CCDC171: variants seen among roughly 807,000 people sequenced by gnomAD.
CCDC171 encodes the protein coiled-coil domain containing 171, also known as coiled-coil domain-containing protein 171.
CCDC171 carries 177 observed loss-of-function variants against 168.2 expected under a neutral mutation model. The ratio of observed to expected loss-of-function variants is 1.05; its 90% CI spans 0.93 to 1.19. The LOEUF (loss-of-function observed/expected upper bound fraction) is 1.19. CCDC171 is among the 50% of genes most tolerant of loss of function. The pLI is 0.00. For missense variants in CCDC171, 1,991 were observed against 1,539.0 expected, an observed-to-expected ratio of 1.29 and a Z score of -4.91; for synonymous variants, 687 against 540.8, an observed-to-expected ratio of 1.27 and a Z score of -3.75.
intron 24 of CCDC171, among the ~76,000 whole-genome samples, chr9:15,904,362 G>A (rs1822190948): frequency 6.6e-6 from 1 of 152,110 alleles, no homozygotes; most frequent in African/African-American, 2.4e-5. Flanking sequence ...AGACAGTGGG[G>A]GCTAATATTC....
rs931730637 is a variant in CCDC171, at chr9:15,827,776, G to A, written c.3268-18926G>A. Among the ~76,000 whole-genome samples, 17 of 152,242 alleles carry A rather than the reference G, an allele frequency of 1.1e-4. 4 individuals carry two copies. The highest frequency in any genetic ancestry group is 5.9e-4 in the Admixed American group (9 of 15,290). ...ATTGATTAGGCCACTTGAGTTCAAAGACCTTGTGATTTTTGAGCCTTTAGT... is the reference window on the plus strand; with the variant it reads ...ATTGATTAGGCCACTTGAGTTCAAAAACCTTGTGATTTTTGAGCCTTTAGT... On this transcript the variant is annotated intron_variant, in intron 21 of 25. Coordinates refer to ENST00000380701, the MANE Select transcript of CCDC171 (RefSeq NM_173550.4).
At chr9:15,955,058 C>T (rs943156314) in intron 25 of CCDC171, among the ~76,000 whole-genome samples, 2 of 152,032 alleles carry the variant, frequency 1.3e-5, no homozygotes, top group Non-Finnish European at 2.9e-5. Context: ...TATAGTAACT[C>T]TGGAAATCAG....
At chr9:15,604,595 T>C (rs867099329) in intron 6 of CCDC171, among the ~76,000 whole-genome samples, 2 of 152,152 alleles carry the variant, frequency 1.3e-5, no homozygotes, top group African/African-American at 4.8e-5. Context: ...TTTGTGACGG[T>C]ATGGGAAGTG....
rs1435023157 is a variant in CCDC171, at chr9:15,828,559, G to A, written c.3268-18143G>A. On this transcript the variant is annotated intron_variant, in intron 21 of 25. Coordinates refer to ENST00000380701, the MANE Select transcript of CCDC171 (RefSeq NM_173550.4). ...TTACTTAGCAAGTAGCTCTTCCTGGGTCAAAACACATTTCATCTTGTACTG... is the reference window on the plus strand; with the variant it reads ...TTACTTAGCAAGTAGCTCTTCCTGGATCAAAACACATTTCATCTTGTACTG... 3.3e-5 allele frequency among the ~76,000 whole-genome samples: 5 copies of A among 152,124 alleles called. No individual in the cohort carries two copies. The East Asian group carries it at 9.6e-4, about 29-fold the overall frequency.
intron 7 of CCDC171, among the ~76,000 whole-genome samples, chr9:15,655,935 G>A (rs1406455748): frequency 6.6e-6 from 1 of 152,202 alleles, no homozygotes; most frequent in Non-Finnish European, 1.5e-5. Context: ...GCAAGTGTTG[G>A]TGAGGATGTG....
intron 9 of CCDC171, among the ~76,000 whole-genome samples, chr9:15,671,859 T>G (rs1298347897): frequency 6.6e-6 from 1 of 152,180 alleles, no homozygotes; most frequent in East Asian, 1.9e-4. Context: ...ATCCTTTGGG[T>G]ATATACCCAG....
chr9:15,691,562 A>ATATATATATATATATG (rs2050795582), intron 10 of CCDC171, among the ~76,000 whole-genome samples: 1 of 144,966 alleles, frequency 6.9e-6, no homozygotes, highest in African/African-American at 2.5e-5. Context: ...ATATATATAT[A>ATATATATATATATATG]TATATATATG....
intron 5 of CCDC171, among the ~76,000 whole-genome samples, chr9:15,593,105 G>C (rs924909835): frequency 6.6e-6 from 1 of 151,704 alleles, no homozygotes; most frequent in African/African-American, 2.4e-5. Context: ...GTTTGGAGTT[G>C]AATCTGAGTC....
chr9:15,943,519 G>C (rs927464948), intron 25 of CCDC171, among the ~76,000 whole-genome samples: 1 of 151,936 alleles, frequency 6.6e-6, no homozygotes, highest in African/African-American at 2.4e-5. Flanking sequence ...GCAGGTCTAA[G>C]TATATTTTTG....
chr9:15,557,928 T>C (rs2038945827), intron 1 of CCDC171, among the ~76,000 whole-genome samples: 1 of 152,166 alleles, frequency 6.6e-6, no homozygotes, highest in Admixed American at 6.6e-5. Flanking sequence ...ACCTAATTTA[T>C]TGAGAGTTTT....
At chr9:15,926,842 A>G (rs926298687) in intron 25 of CCDC171, among the ~76,000 whole-genome samples, 3 of 151,796 alleles carry the variant, frequency 2.0e-5, no homozygotes, top group South Asian at 2.1e-4. Flanking sequence ...TTTAAGAAAT[A>G]TGTTAACTAT....
At chr9:15,893,367 G>C (rs1820467494) in intron 24 of CCDC171, among the ~76,000 whole-genome samples, 2 of 152,250 alleles carry the variant, frequency 1.3e-5, no homozygotes, top group Non-Finnish European at 1.5e-5. Flanking sequence ...TCAGGACGTA[G>C]GCATGGGTAC....
intron 21 of CCDC171, among the ~76,000 whole-genome samples, chr9:15,832,196 C>T (rs962242474): frequency 6.6e-6 from 1 of 152,172 alleles, no homozygotes; most frequent in African/African-American, 2.4e-5. Flanking sequence ...CCAAATAAAT[C>T]TACAGTGGAC....
intron 3 of CCDC171, among the ~76,000 whole-genome samples, chr9:16,003,672 A>G (rs1832618542): frequency 1.3e-5 from 2 of 152,340 alleles, no homozygotes; most frequent in Non-Finnish European, 2.9e-5. Flanking sequence ...TTATTTGACA[A>G]TGAAACTAAT....
At chr9:15,976,047 A>C (rs1412442759), downstream of CCDC171, among the ~76,000 whole-genome samples, 1 of 152,116 alleles carries the variant, frequency 6.6e-6, no homozygotes, top group South Asian at 2.1e-4. Flanking sequence ...ATGGAGGCAG[A>C]GTCCAGACTT....
intron 5 of CCDC171, among the ~76,000 whole-genome samples, chr9:15,593,193 A>G (rs912330612): frequency 6.6e-6 from 1 of 152,078 alleles, no homozygotes; most frequent in African/African-American, 2.4e-5. Flanking sequence ...GGAGGGTAGT[A>G]TTTGTTATAC....
rs2052787962 is a variant in CCDC171, at chr9:15,712,966, G to C, written c.1319-8803G>C. 2.6e-5 allele frequency among the ~76,000 whole-genome samples: 4 copies of C among 152,280 alleles called. No individual in the cohort carries two copies. The South Asian group carries it at 8.3e-4, about 32-fold the overall frequency. On this transcript the variant is annotated intron_variant, in intron 11 of 25. Coordinates refer to ENST00000380701, the MANE Select transcript of CCDC171 (RefSeq NM_173550.4). ...TGCCCTCCTGATTATTAAGATCCTTGTCTACTGAAGTTGATCTGGGCACAG... is the reference window on the plus strand; with the variant it reads ...TGCCCTCCTGATTATTAAGATCCTTCTCTACTGAAGTTGATCTGGGCACAG...
intron 24 of CCDC171, among the ~76,000 whole-genome samples, chr9:15,919,461 T>G (rs1266180072): frequency 6.6e-6 from 1 of 151,726 alleles, no homozygotes; most frequent in Non-Finnish European, 1.5e-5. Context: ...AACATTTTTC[T>G]TGTAAACAAT....
chr9:15,687,428 A>C (rs199976524), intron 10 of CCDC171, among the ~76,000 whole-genome samples: 1 of 928 alleles, frequency 1.1e-3, no homozygotes, highest in Admixed American at 0.029. Flanking sequence ...CCCGTCTCTT[A>C]AAAAAAAAAA....
Sources: allele counts gnomAD v4.1 joint callset (sites outside exome capture counted in the v4.1 genomes callset), GRCh38; gene constraint gnomAD v4.1.1; transcripts MANE v1.5; gene names NCBI Gene and HGNC (gene_info 2026-07-23, HGNC 2026-07-21).